BMP5: variants seen among roughly 807,000 people sequenced by gnomAD.
BMP5 encodes bone morphogenetic protein 5.
A neutral mutation model predicts 46.6 loss-of-function variants in BMP5; 23 were observed. The observed-to-expected ratio is 0.49, with a 90% CI of 0.35 to 0.70. The LOEUF is 0.70. BMP5 is among the 30% of genes least tolerant of loss of function. The probability of loss-of-function intolerance (pLI) is 0.00; values close to 1 mark genes in which losing one functional copy is unlikely to be tolerated. For synonymous variants in BMP5, 204 were observed against 191.9 expected, an observed-to-expected ratio of 1.06 and a Z score of -0.52; for missense variants, 545 against 565.6, an observed-to-expected ratio of 0.96 and a Z score of 0.37.
intron 1 of BMP5, among the ~76,000 whole-genome samples, chr6:55,831,807 C>T (rs1372937175): frequency 2.6e-5 from 4 of 152,206 alleles, no homozygotes; most frequent in African/African-American, 7.2e-5. Context: ...GGACACACAT[C>T]GTTGTGAACA....
intron 1 of BMP5, among the ~76,000 whole-genome samples, chr6:55,821,367 A>G (rs988766674): frequency 6.6e-6 from 1 of 152,136 alleles, no homozygotes; most frequent in Admixed American, 6.6e-5. Flanking sequence ...AAATGTAGCT[A>G]CATTTGGGGG....
chr6:55,839,777 C>G (rs540057252), intron 1 of BMP5, among the ~76,000 whole-genome samples: 25 of 152,130 alleles, frequency 1.6e-4, no homozygotes, highest in Non-Finnish European at 3.4e-4. Flanking sequence ...TTACTTTTCC[C>G]TAGTGAATAA....
At chr6:55,827,978 C>T (rs1776571455) in intron 1 of BMP5, among the ~76,000 whole-genome samples, 1 of 151,802 alleles carries the variant, frequency 6.6e-6, no homozygotes, top group Non-Finnish European at 1.5e-5. Context: ...AAAATCTGTT[C>T]CTTTTACAGA....
chr6:55,873,459 A>G (rs778310776), intron 1 of BMP5, among the ~76,000 whole-genome samples: 1 of 151,876 alleles, frequency 6.6e-6, no homozygotes, highest in Non-Finnish European at 1.5e-5. Context: ...TTCAATTTTT[A>G]CTAAAACATT....
chr6:55,820,890 T>C (rs1165157783), intron 1 of BMP5, among the ~76,000 whole-genome samples: 1 of 152,174 alleles, frequency 6.6e-6, no homozygotes, highest in Non-Finnish European at 1.5e-5. Flanking sequence ...GTCAAAGAAC[T>C]GTTCCTTTTG....
chr6:55,856,123 C>T (rs1218026757), intron 1 of BMP5, among the ~76,000 whole-genome samples: 1 of 152,144 alleles, frequency 6.6e-6, no homozygotes, highest in African/African-American at 2.4e-5. Flanking sequence ...GAATTTCATA[C>T]AAATGAAATT....
chr6:55,777,038 T>A (rs1376802463), intron 3 of BMP5, among the ~76,000 whole-genome samples: 1 of 151,940 alleles, frequency 6.6e-6, no homozygotes, highest in Non-Finnish European at 1.5e-5. Context: ...ATTATTAAGT[T>A]TCCTCTTGGT....
chr6:55,787,135 C>T (rs1775468880), intron 3 of BMP5, among the ~76,000 whole-genome samples: 1 of 151,542 alleles, frequency 6.6e-6, no homozygotes, highest in African/African-American at 2.4e-5. Context: ...GATCATCTAA[C>T]CCTTGACACA....
intron 1 of BMP5, among the ~76,000 whole-genome samples, chr6:55,846,512 T>A (rs1267984188): frequency 1.3e-5 from 2 of 151,946 alleles, no homozygotes; most frequent in African/African-American, 2.4e-5. Context: ...TCTCTCATTT[T>A]CTCAACTTCT....
At chr6:55,763,334 A>G (rs1774831406) in intron 4 of BMP5, among the ~76,000 whole-genome samples, 1 of 152,182 alleles carries the variant, frequency 6.6e-6, no homozygotes, top group African/African-American at 2.4e-5. Flanking sequence ...TATGCAGGCT[A>G]AGTGATGTAT....
At chr6:55,838,796 T>G (rs1248674139) in intron 1 of BMP5, among the ~76,000 whole-genome samples, 1 of 152,232 alleles carries the variant, frequency 6.6e-6, no homozygotes, top group Non-Finnish European at 1.5e-5. Flanking sequence ...ATGATGCTTT[T>G]GCTGCCATGC....
At chr6:55,822,179 T>C (rs1370467344) in intron 1 of BMP5, among the ~76,000 whole-genome samples, 1 of 152,176 alleles carries the variant, frequency 6.6e-6, no homozygotes, top group African/African-American at 2.4e-5. Flanking sequence ...GGTTGTTAAA[T>C]GTCAGGATAT....
At chr6:55,760,132 C>G (rs1370148560) in intron 5 of BMP5, among the ~76,000 whole-genome samples, 2 of 151,908 alleles carry the variant, frequency 1.3e-5, no homozygotes, top group Non-Finnish European at 1.5e-5. Context: ...GTTACTTATA[C>G]TAATATGAAC....
At chr6:55,853,993 T>C (rs937622166) in intron 1 of BMP5, among the ~76,000 whole-genome samples, 5 of 152,182 alleles carry the variant, frequency 3.3e-5, no homozygotes, top group African/African-American at 1.2e-4. Context: ...TTTTATTTTA[T>C]TTTTTGTAAG....
In BMP5 at chr6:55,874,546, T is replaced by C. The variant is rs1345008588; in HGVS notation, c.320A>G (p.Glu107Gly). The C allele has an allele frequency of 1.9e-6, 3 of 1,613,406 alleles. No homozygotes were observed. The highest frequency in any genetic ancestry group is 4.5e-5 in the East Asian group (2 of 44,846). Reference protein sequence around the residue: ...SEYSVRASLAEETRGARKGYP... With the variant: ...SEYSVRASLAGETRGARKGYP... ...TCCCTTTCTTGCCCCTCTGGTCTCT[T>C]CTGCCAAGGATGCCCTTACTGAGTA... Residue 107 changes from glutamate (E) to glycine (G), a missense_variant, in exon 1 of 7, where the codon GAA becomes GGA. By Grantham distance (98) the Glu-to-Gly change is moderately conservative (BLOSUM62 -2). Transcript: ENST00000370830.
chr6:55,761,919 A>T (rs566815253), intron 4 of BMP5, among the ~76,000 whole-genome samples: 13 of 152,244 alleles, frequency 8.5e-5, no homozygotes, highest in Non-Finnish European at 1.8e-4. Flanking sequence ...GGCATAAAAT[A>T]AACATTCAAA....
At chr6:55,807,458 G>A (rs377184867) in intron 2 of BMP5, among the ~76,000 whole-genome samples, 24 of 152,200 alleles carry the variant, frequency 1.6e-4, no homozygotes, top group East Asian at 7.7e-4. Flanking sequence ...TGCTGGAATC[G>A]GTTTGCCAGT....
chr6:55,791,875 T>C (rs1287661529), intron 3 of BMP5, among the ~76,000 whole-genome samples: 1 of 152,210 alleles, frequency 6.6e-6, no homozygotes. Flanking sequence ...ACCACTAATT[T>C]CATTTTTCTT....
chr6:55,759,496 C>T (rs1443532610), intron 5 of BMP5, among the ~76,000 whole-genome samples: 1 of 151,790 alleles, frequency 6.6e-6, no homozygotes, highest in East Asian at 1.9e-4. Flanking sequence ...AAATGATGAA[C>T]TCTGGAAAGT....
Sources: allele counts gnomAD v4.1 joint callset (sites outside exome capture counted in the v4.1 genomes callset), GRCh38; gene constraint gnomAD v4.1.1; transcripts MANE v1.5; gene names NCBI Gene and HGNC (gene_info 2026-07-23, HGNC 2026-07-21).